The following FAT3 variants were observed in gnomAD, a reference collection of about 807,000 sequenced individuals.
FAT3 encodes protocadherin Fat 3.
In FAT3, 95 loss-of-function variants were observed where a neutral mutation model predicts 310.2. The ratio of observed to expected loss-of-function variants is 0.31; its 90% CI spans 0.26 to 0.36. FAT3 has a LOEUF of 0.36. FAT3 is among the 10% of genes least tolerant of loss of function. FAT3 has a pLI of 1.00. For synonymous variants in FAT3, 2,314 were observed against 2,192.9 expected, an observed-to-expected ratio of 1.06 and a Z score of -1.54; for missense variants, 5,408 against 5,715.6, an observed-to-expected ratio of 0.95 and a Z score of 1.74.
intron 3 of FAT3, among the ~76,000 whole-genome samples, chr11:92,525,551 C>G (rs1333731413): frequency 6.6e-6 from 1 of 152,074 alleles, no homozygotes; most frequent in Admixed American, 6.5e-5. Flanking sequence ...GTCTAAGGAT[C>G]GGGAGCAGGT....
Position 92,418,228 on chromosome 11 carries a change from A to G in FAT3, c.3292+62824A>G, listed in dbSNP as rs553253168. On this transcript the variant is annotated intron_variant, in intron 2 of 27. Transcript: ENST00000525166. ...TGTCTGGAAAATTTCCTTATACTGG[A>G]TAACCGAGGTATTTCATGTCACTTA... Among the ~76,000 whole-genome samples the G allele has an allele frequency of 5.9e-5, 9 of 152,290 alleles. No individual in the cohort carries two copies. In the South Asian group the frequency reaches 1.9e-3, roughly 32 times the overall value.
intron 1 of FAT3, among the ~76,000 whole-genome samples, chr11:92,329,170 G>C (rs962931814): frequency 7.3e-5 from 11 of 151,108 alleles, no homozygotes; most frequent in Non-Finnish European, 1.0e-4. Flanking sequence ...TTACATGTGG[G>C]GGTGCTATGG....
At chr11:92,302,820 A>G (rs1269407282) in intron 1 of FAT3, among the ~76,000 whole-genome samples, 2 of 152,172 alleles carry the variant, frequency 1.3e-5, no homozygotes, top group Non-Finnish European at 2.9e-5. Context: ...GAAGGGAAAT[A>G]AGTCATTTCA....
At chr11:92,457,868 G>A (rs1056966149) in intron 2 of FAT3, among the ~76,000 whole-genome samples, 1 of 152,166 alleles carries the variant, frequency 6.6e-6, no homozygotes, top group African/African-American at 2.4e-5. Context: ...GTTGCAGTGA[G>A]CCAAAATCAT....
intron 2 of FAT3, among the ~76,000 whole-genome samples, chr11:92,501,876 G>T (rs1000173840): frequency 2.0e-5 from 3 of 151,864 alleles, no homozygotes; most frequent in Non-Finnish European, 4.4e-5. Flanking sequence ...TGAATACAGT[G>T]ACCTCTGTGC....
chr11:92,407,595 G>A lies in FAT3; in HGVS notation c.3292+52191G>A, dbSNP rs552237665. Among the ~76,000 whole-genome samples, 259 of 152,220 alleles carry A rather than the reference G, an allele frequency of 1.7e-3. 2 individuals are homozygous for A. The highest frequency in any genetic ancestry group is 6.1e-3 in the African/African-American group (253 of 41,558). On this transcript the variant is annotated intron_variant, in intron 2 of 27. Transcript: ENST00000525166. ...TGATTACATAAATGTAACTAGTCAA[G>A]ACCGATCAGACTGAAATCTAATGTA...
intron 2 of FAT3, among the ~76,000 whole-genome samples, chr11:92,451,326 C>T (rs114871992): frequency 0.011 from 1,696 of 152,262 alleles, 34 homozygotes; most frequent in African/African-American, 0.038. Flanking sequence ...AGCACAGCTC[C>T]GCGGATAAGG....
intron 11 of FAT3, 136 bp downstream of exon 11, chr11:92,805,485 G>A: frequency 1.2e-6 from 1 of 849,968 alleles, no homozygotes; most frequent in Non-Finnish European, 1.7e-6. Flanking sequence ...GAGGGTAGGA[G>A]GTGAAGTTTA....
chr11:92,470,375 T>A (rs72972473), intron 2 of FAT3, among the ~76,000 whole-genome samples: 3,867 of 152,338 alleles, frequency 0.025, 65 homozygotes, highest in Non-Finnish European at 0.033. Flanking sequence ...ATACTTTTTA[T>A]TTTGTAACTC....
intron 3 of FAT3, among the ~76,000 whole-genome samples, chr11:92,566,526 GA>G (rs538550323): frequency 0.037 from 5,586 of 151,176 alleles, 249 homozygotes; most frequent in African/African-American, 0.13. Context: ...CACAGAATTG[GA>G]AAAAAACTAC....
Position 92,857,522 on chromosome 11 carries a change from C to T in FAT3, c.11500+174C>T, listed in dbSNP as rs528832620. 3.3e-4 allele frequency among the ~76,000 whole-genome samples: 50 copies of T among 152,352 alleles called. No individual in the cohort carries two copies. In the South Asian group the frequency reaches 9.7e-3, roughly 30 times the overall value. On this transcript the variant is annotated intron_variant, in intron 20 of 27. Transcript: ENST00000525166. ...ACTCACATTTACTTAGGATTTATCA[C>T]AGCTGCAGCTTGTGCTAAGGGAGCA...
chr11:92,876,683 C>T (rs1314630324), intron 22 of FAT3, among the ~76,000 whole-genome samples: 1 of 152,250 alleles, frequency 6.6e-6, no homozygotes, highest in African/African-American at 2.4e-5. Context: ...GCTCTCTTGG[C>T]TCCTGCATCT....
At chr11:92,372,720 G>A (rs974473477) in intron 2 of FAT3, among the ~76,000 whole-genome samples, 48 of 152,174 alleles carry the variant, frequency 3.2e-4, no homozygotes, top group African/African-American at 1.0e-3. Flanking sequence ...GTGTGCAGTG[G>A]CGCGATCTCG....
At chr11:92,805,046 C>A in intron 10 of FAT3, 107 bp from the exon 11 acceptor site, 2 of 1,036,192 alleles carry the variant, frequency 1.9e-6, no homozygotes, top group Non-Finnish European at 2.7e-6. Flanking sequence ...CTAAATGATA[C>A]AGTTTAAGGA....
In FAT3 at chr11:92,446,145, A is replaced by C. The variant is rs534300832; in HGVS notation, c.3293-78489A>C. Among the ~76,000 whole-genome samples the C allele has an allele frequency of 1.2e-4, 19 of 152,328 alleles. No homozygotes were observed. The South Asian group carries it at 3.3e-3, about 27-fold the overall frequency. ...CCTAAACAAGTTAAGATCATGTTGG[A>C]AAAAAGAAACGCCTGTGGCATGTCA... is the stretch of plus-strand genomic sequence containing the variant. On this transcript the variant is annotated intron_variant, in intron 2 of 27. Transcript: ENST00000525166.
At chr11:92,419,640 T>C (rs569023667) in intron 2 of FAT3, among the ~76,000 whole-genome samples, 1 of 152,316 alleles carries the variant, frequency 6.6e-6, no homozygotes, top group East Asian at 1.9e-4. Context: ...ATTGGTATTT[T>C]GAATGTCCAC....
intron 2 of FAT3, among the ~76,000 whole-genome samples, chr11:92,382,155 A>T (rs1026286537): frequency 1.3e-5 from 2 of 152,160 alleles, no homozygotes; most frequent in African/African-American, 4.8e-5. Context: ...CCGGATTTTA[A>T]TATCAACTGT....
chr11:92,710,140 C>G (rs552403911), intron 4 of FAT3, among the ~76,000 whole-genome samples: 1 of 152,234 alleles, frequency 6.6e-6, no homozygotes, highest in East Asian at 1.9e-4. Context: ...TGCATAAGTA[C>G]TCATTAGTAG....
At position 92,891,012 on chromosome 11, in the gene FAT3, G is replaced by A. The variant is rs61901507; in HGVS notation, c.13669G>A (p.Asp4557Asn). ...SDVSANCGFD[D>N]SEVAMSDYES... ...TGTGTCTGCCAACTGCGGCTTTGAC[G>A]ATTCCGAAGTAGCCATGAGTGACTA... Residue 4557 changes from aspartate to asparagine, a missense_variant, in exon 28 of 28, where the codon GAT becomes AAT. This residue lies in a region of FAT3 where 649 missense variants were observed against 666.2 expected (regional missense o/e 0.97). Coordinates refer to ENST00000525166, the MANE Select transcript of FAT3 (RefSeq NM_001367949.2). The A allele has an allele frequency of 2.8e-5, 45 of 1,613,798 alleles. No individual in the cohort carries two copies. Among genetic ancestry groups the A allele is most frequent in the East Asian group, 4.5e-5 (2 of 44,894 alleles).
Sources: gnomAD v4.1 joint callset for allele counts (sites outside exome capture counted in the v4.1 genomes callset) on GRCh38, gnomAD v4.1.1 for gene constraint, gnomAD v4.1.1 regional missense constraint, MANE v1.5 for transcripts, NCBI Gene and HGNC (gene_info 2026-07-23, HGNC 2026-07-21) for gene names.